The following GABRG2 variants were observed in gnomAD, a reference collection of about 807,000 sequenced individuals.
GABRG2 encodes the protein gamma-aminobutyric acid type A receptor subunit gamma2.
Under a neutral mutation model 56.4 loss-of-function variants are expected in GABRG2, and 16 were observed. The ratio of observed to expected loss-of-function variants is 0.28; its 90% confidence interval spans 0.19 to 0.43. The LOEUF (loss-of-function observed/expected upper bound fraction) is 0.43, where lower values mean the gene tolerates loss of function less well. Ranked by LOEUF, GABRG2 falls within the 20% of genes least tolerant of loss-of-function variation. The probability of loss-of-function intolerance (pLI) is 1.00; values close to 1 mark genes in which losing one functional copy is unlikely to be tolerated. For synonymous variants in GABRG2, 208 were observed against 205.5 expected (o/e 1.01, Z -0.10); for missense variants, 327 against 582.7 (o/e 0.56, Z 4.52).
Position 162,067,829 on chromosome 5 carries a change from C to A in GABRG2, c.-171C>A. ...CGTTTTTGCTGATCTTATCTCTGCCCCCTGAATATTAATTCCCTAATCTGG... is the reference window on the plus strand; with the variant it reads ...CGTTTTTGCTGATCTTATCTCTGCCACCTGAATATTAATTCCCTAATCTGG... On this transcript the variant is annotated 5_prime_UTR_variant, in exon 1 of 10. Transcript: ENST00000639213. 3.1e-6 allele frequency: 2 copies of A among 640,252 alleles called. No individual in the cohort carries two copies. Among genetic ancestry groups the A allele is most frequent in the South Asian group, 3.7e-5 (2 of 54,320 alleles). 39.7% of individuals were successfully genotyped at this position (640,252 alleles called of 1,614,324 possible). A position where few individuals can be genotyped will look rare whatever the true frequency, so the allele number is the denominator to read the frequency against.
At chr5:162,084,717 A>C (rs545517792) in intron 1 of GABRG2, among the ~76,000 whole-genome samples, 60 of 152,046 alleles carry the variant, frequency 3.9e-4, no homozygotes, top group African/African-American at 1.4e-3. Context: ...TAAATGAAGA[A>C]ATACAAAGTA....
intron 9 of GABRG2, chr5:162,152,449 G>A: frequency 4.2e-6 from 2 of 481,918 alleles, no homozygotes; most frequent in South Asian, 1.6e-5. Context: ...TTGACAAGTA[G>A]TAACCTTCTT....
intron 1 of GABRG2, among the ~76,000 whole-genome samples, chr5:162,071,523 T>C (rs1005478963): frequency 6.6e-6 from 1 of 151,982 alleles, no homozygotes; most frequent in Non-Finnish European, 1.5e-5. Context: ...GTTAATGGTT[T>C]ATACATATTT....
At chr5:162,091,998 G>A (rs1049590686) in intron 1 of GABRG2, among the ~76,000 whole-genome samples, 4 of 152,046 alleles carry the variant, frequency 2.6e-5, no homozygotes, top group South Asian at 2.1e-4. Flanking sequence ...GGCATCTGAC[G>A]AACCTACCAT....
chr5:162,072,109 C>CA (rs2113117288), intron 1 of GABRG2, among the ~76,000 whole-genome samples: 1 of 152,014 alleles, frequency 6.6e-6, no homozygotes, highest in African/African-American at 2.4e-5. Flanking sequence ...GTAATTTCCT[C>CA]AAAATAATTG....
chr5:162,127,304 AT>A (rs1337383985), intron 6 of GABRG2, among the ~76,000 whole-genome samples: 2 of 151,916 alleles, frequency 1.3e-5, no homozygotes, highest in Non-Finnish European at 2.9e-5. Context: ...GGCTAATGGC[AT>A]TTCCCCAAAA....
chr5:162,114,787 C>G (rs1342464741), intron 6 of GABRG2, among the ~76,000 whole-genome samples: 3 of 152,168 alleles, frequency 2.0e-5, no homozygotes, highest in African/African-American at 7.2e-5. Flanking sequence ...TTTATCTCTA[C>G]TGTCCACTTT....
At chr5:162,085,719 TC>T (rs1277519023) in intron 1 of GABRG2, among the ~76,000 whole-genome samples, 2 of 151,876 alleles carry the variant, frequency 1.3e-5, no homozygotes, top group Non-Finnish European at 2.9e-5. Context: ...CCTGATCCTC[TC>T]CCTCCTCCTA....
At chr5:162,094,269 C>T (rs1760836109) in intron 2 of GABRG2, 1 of 405,710 alleles carries the variant, frequency 2.5e-6, no homozygotes, top group Admixed American at 3.9e-5. Context: ...ACAATGACCC[C>T]TTTATGAAGC....
chr5:162,091,917 A>AAG (rs142940648), intron 1 of GABRG2, among the ~76,000 whole-genome samples: 3 of 151,814 alleles, frequency 2.0e-5, no homozygotes, highest in Non-Finnish European at 2.9e-5. Context: ...GAGAAAGAGA[A>AAG]AGAGAGAGAG....
At chr5:162,071,711 C>A (rs1024692638) in intron 1 of GABRG2, among the ~76,000 whole-genome samples, 1 of 151,910 alleles carries the variant, frequency 6.6e-6, no homozygotes, top group Non-Finnish European at 1.5e-5. Flanking sequence ...GAATTAATCT[C>A]TACAGACAAG....
intron 6 of GABRG2, among the ~76,000 whole-genome samples, chr5:162,107,796 C>T (rs1273767769): frequency 6.6e-6 from 1 of 152,112 alleles, no homozygotes; most frequent in African/African-American, 2.4e-5. Context: ...TCTCTGCCTC[C>T]CACATCTAAT....
At chr5:162,074,062 A>G (rs1277844377) in intron 1 of GABRG2, among the ~76,000 whole-genome samples, 1 of 151,946 alleles carries the variant, frequency 6.6e-6, no homozygotes, top group Non-Finnish European at 1.5e-5. Flanking sequence ...AACTTGCATT[A>G]CTGGGGAGGG....
In GABRG2 at chr5:162,144,980, C is replaced by G. The variant is rs1016249858; in HGVS notation, c.922+2664C>G. Reference sequence around the variant, plus strand: ...ATTGAAAAACAAACAAACAAAAAATCCACAGGTGATTCAAACGTGCAGTCG... The same window carrying G: ...ATTGAAAAACAAACAAACAAAAAATGCACAGGTGATTCAAACGTGCAGTCG... On this transcript the variant is annotated intron_variant, in intron 7 of 9. Coordinates refer to ENST00000639213, the MANE Select transcript of GABRG2 (RefSeq NM_198904.4). Among the ~76,000 whole-genome samples the G allele has an allele frequency of 2.6e-5, 4 of 152,164 alleles. No homozygotes were observed. In the South Asian group the frequency reaches 8.3e-4, roughly 31 times the overall value.
chr5:162,106,029 G>A (rs1037635469), intron 6 of GABRG2, among the ~76,000 whole-genome samples: 2 of 152,088 alleles, frequency 1.3e-5, no homozygotes, highest in African/African-American at 4.8e-5. Context: ...TAATGGTGGA[G>A]ACAGAAGGGT....
chr5:162,090,070 A>G (rs1044121212), intron 1 of GABRG2, among the ~76,000 whole-genome samples: 4 of 152,098 alleles, frequency 2.6e-5, no homozygotes, highest in Non-Finnish European at 4.4e-5. Context: ...AATAAGATTG[A>G]TTTTTACTTC....
chr5:162,070,398 T>C (rs1758577410), intron 1 of GABRG2, among the ~76,000 whole-genome samples: 1 of 152,042 alleles, frequency 6.6e-6, no homozygotes, highest in Non-Finnish European at 1.5e-5. Flanking sequence ...AGCTTTGATT[T>C]ATAAAGTTGA....
intron 1 of GABRG2, among the ~76,000 whole-genome samples, chr5:162,070,218 G>C (rs1251655937): frequency 1.3e-5 from 2 of 151,994 alleles, no homozygotes; most frequent in Non-Finnish European, 2.9e-5. Context: ...CTATAAATAT[G>C]AGCTATCTGT....
chr5:162,139,326 G>C (rs1273930920), intron 6 of GABRG2, among the ~76,000 whole-genome samples: 1 of 152,160 alleles, frequency 6.6e-6, no homozygotes, highest in Non-Finnish European at 1.5e-5. Context: ...CGCACTTTAA[G>C]GGGATTTGAT....
Sources: gnomAD v4.1 joint callset for allele counts (sites outside exome capture counted in the v4.1 genomes callset) on GRCh38, gnomAD v4.1.1 for gene constraint, MANE v1.5 for transcripts, NCBI Gene and HGNC (gene_info 2026-07-23, HGNC 2026-07-21) for gene names.